The following SH3GL3 variants were observed in gnomAD, a reference collection of about 807,000 sequenced individuals.
SH3GL3 encodes SH3 domain containing GRB2 like 3, endophilin A3.
Under a neutral mutation model 47.7 loss-of-function variants are expected in SH3GL3, and 33 were observed. The observed-to-expected ratio is 0.69, with a 90% CI of 0.52 to 0.92. The LOEUF (loss-of-function observed/expected upper bound fraction) is 0.92. Ranked by LOEUF, SH3GL3 falls within the 40% of genes least tolerant of loss-of-function variation. SH3GL3 has a pLI of 0.00. For missense variants in SH3GL3, 363 were observed against 417.8 expected, an observed-to-expected ratio of 0.87 and a Z score of 1.14; for synonymous variants, 155 against 148.8, an observed-to-expected ratio of 1.04 and a Z score of -0.30.
At chr15:83,584,836 T>C (rs1021494549) in intron 6 of SH3GL3, among the ~76,000 whole-genome samples, 2 of 152,234 alleles carry the variant, frequency 1.3e-5, no homozygotes, top group African/African-American at 4.8e-5. Context: ...CCAGGTGACT[T>C]TCTCTGATTC....
chr15:83,595,507 TA>T (rs71156088), intron 8 of SH3GL3, among the ~76,000 whole-genome samples: 17,684 of 135,048 alleles, frequency 0.13, 1,259 homozygotes, highest in Admixed American at 0.25. Context: ...ACCTAAAAGT[TA>T]AAAAAAAAAA....
chr15:83,585,401 A>T (rs2059929325), intron 6 of SH3GL3, among the ~76,000 whole-genome samples: 1 of 152,240 alleles, frequency 6.6e-6, no homozygotes, highest in South Asian at 2.1e-4. Flanking sequence ...TAATTTAGCT[A>T]TCTTTCACTA....
chr15:83,543,525 T>G (rs1478531772), intron 1 of SH3GL3, among the ~76,000 whole-genome samples: 2 of 152,064 alleles, frequency 1.3e-5, no homozygotes, highest in Non-Finnish European at 2.9e-5. Flanking sequence ...AGAATGGGTT[T>G]GGAAGTCTTC....
At chr15:83,604,003 G>A (rs530604936) in intron 8 of SH3GL3, among the ~76,000 whole-genome samples, 12 of 152,178 alleles carry the variant, frequency 7.9e-5, no homozygotes, top group South Asian at 2.1e-4. Flanking sequence ...GCATGGTGGC[G>A]CATGCCTGTA....
chr15:83,556,685 A>T (rs1806073173), intron 1 of SH3GL3, among the ~76,000 whole-genome samples: 1 of 152,252 alleles, frequency 6.6e-6, no homozygotes, highest in Admixed American at 6.5e-5. Flanking sequence ...TGTATCAGTC[A>T]GCTTTTGCTA....
chr15:83,478,450 T>A (rs748992032), intron 1 of SH3GL3, among the ~76,000 whole-genome samples: 4 of 152,176 alleles, frequency 2.6e-5, no homozygotes, highest in Non-Finnish European at 5.9e-5. Flanking sequence ...TTTCCTTATC[T>A]GCAAATTGGA....
intron 8 of SH3GL3, among the ~76,000 whole-genome samples, chr15:83,616,505 G>C (rs1807994415): frequency 3.9e-5 from 6 of 152,084 alleles, no homozygotes; most frequent in Admixed American, 3.9e-4. Flanking sequence ...GCCTCCCAAA[G>C]TGCTGGGATT....
chr15:83,561,930 C>G (rs973755078), intron 2 of SH3GL3, among the ~76,000 whole-genome samples: 7 of 151,980 alleles, frequency 4.6e-5, no homozygotes, highest in Admixed American at 4.6e-4. Context: ...GTTGACTTCA[C>G]AAAAAATAAT....
At chr15:83,547,556 TG>T (rs1232591565) in intron 1 of SH3GL3, among the ~76,000 whole-genome samples, 4 of 152,166 alleles carry the variant, frequency 2.6e-5, no homozygotes. Context: ...ACCTGATTTT[TG>T]GTTCTTATGA....
intron 1 of SH3GL3, among the ~76,000 whole-genome samples, chr15:83,503,902 A>G (rs1392274326): frequency 6.6e-6 from 1 of 152,198 alleles, no homozygotes; most frequent in African/African-American, 2.4e-5. Context: ...GTCTTTATTA[A>G]CACTAGGCTG....
At chr15:83,553,689 A>G (rs2044782035) in intron 1 of SH3GL3, among the ~76,000 whole-genome samples, 1 of 152,118 alleles carries the variant, frequency 6.6e-6, no homozygotes, top group Admixed American at 6.5e-5. Context: ...CTAAAGTTAT[A>G]CCCATTTCTC....
chr15:83,516,597 G>A (rs868799016), intron 1 of SH3GL3, among the ~76,000 whole-genome samples: 2 of 152,054 alleles, frequency 1.3e-5, no homozygotes, highest in African/African-American at 2.4e-5. Context: ...CAGCAGGCAC[G>A]TCACATGGCA....
chr15:83,472,824 G>T (rs998383124), intron 1 of SH3GL3, among the ~76,000 whole-genome samples: 16 of 152,114 alleles, frequency 1.1e-4, no homozygotes, highest in Admixed American at 2.0e-4. Context: ...TACATTGTCT[G>T]GTTTTGCTTG....
At chr15:83,611,052 A>G (rs2060649636) in intron 8 of SH3GL3, among the ~76,000 whole-genome samples, 1 of 151,526 alleles carries the variant, frequency 6.6e-6, no homozygotes. Context: ...ATATATATAT[A>G]GAGACAAAAT....
At chr15:83,621,251 C>A (rs918326194), downstream of SH3GL3, among the ~76,000 whole-genome samples, 1 of 152,256 alleles carries the variant, frequency 6.6e-6, no homozygotes, top group African/African-American at 2.4e-5. Context: ...AGAGGCCTAA[C>A]TTTCAGCCTA....
intron 6 of SH3GL3, among the ~76,000 whole-genome samples, chr15:83,579,361 T>C (rs2059770457): frequency 6.6e-6 from 1 of 152,188 alleles, no homozygotes; most frequent in Admixed American, 6.5e-5. Context: ...TCAGGGCTGC[T>C]CCCTCAGCCT....
At chr15:83,490,771 A>G (rs902040422) in intron 1 of SH3GL3, 3 of 1,610,456 alleles carry the variant, frequency 1.9e-6, no homozygotes, top group Admixed American at 1.7e-5. Context: ...AGTGAATAAG[A>G]CCATTTTCCC....
the SH3GL3 span, among the ~76,000 whole-genome samples, chr15:83,625,832 G>GTTC: frequency 6.6e-6 from 1 of 151,336 alleles, no homozygotes; most frequent in Admixed American, 6.6e-5. Flanking sequence ...TGTTGTTGTT[G>GTTC]TTTGTTTGTT....
chr15:83,626,748 G>T, the SH3GL3 span, among the ~76,000 whole-genome samples: 1 of 152,122 alleles, frequency 6.6e-6, no homozygotes, highest in South Asian at 2.1e-4. Context: ...TTGGACATTA[G>T]CATGTGGCAC....
Sources: gnomAD v4.1 joint callset for allele counts (sites outside exome capture counted in the v4.1 genomes callset) on GRCh38, gnomAD v4.1.1 for gene constraint, MANE v1.5 for transcripts, NCBI Gene and HGNC (gene_info 2026-07-23, HGNC 2026-07-21) for gene names.